Variants in STK24 observed in about 807,000 individuals in gnomAD.
STK24 encodes the protein serine/threonine-protein kinase 24.
In STK24, 21 loss-of-function variants were observed where a neutral mutation model predicts 55.6. The ratio of observed to expected loss-of-function variants is 0.38; its 90% CI spans 0.27 to 0.54. The LOEUF is 0.54. Ranked by LOEUF, STK24 falls within the 20% of genes least tolerant of loss-of-function variation. The pLI, the probability that STK24 is intolerant of heterozygous loss-of-function variation, is 0.79. For missense variants in STK24, 383 were observed against 538.4 expected (o/e 0.71, Z 2.86); for synonymous variants, 200 against 215.2 (o/e 0.93, Z 0.62).
At chr13:98,456,897 G>T (rs1320114915) in intron 10 of STK24, 7 of 539,174 alleles carry the variant, frequency 1.3e-5, no homozygotes, top group Admixed American at 1.0e-4. Context: ...GAGGAAACAG[G>T]TATTTCACCA....
intron 1 of STK24, among the ~76,000 whole-genome samples, chr13:98,565,399 G>A (rs1330186102): frequency 6.6e-6 from 1 of 152,076 alleles, no homozygotes; most frequent in Non-Finnish European, 1.5e-5. Flanking sequence ...AGGCGAAGGC[G>A]AGAGGATCAC....
At chr13:98,459,406 G>A (rs943600076) in intron 9 of STK24, among the ~76,000 whole-genome samples, 2 of 152,200 alleles carry the variant, frequency 1.3e-5, no homozygotes, top group African/African-American at 4.8e-5. Context: ...TGCTCCCACC[G>A]GGCCCTGAAC....
chr13:98,489,554 G>A (rs1273943777), intron 2 of STK24, among the ~76,000 whole-genome samples: 1 of 152,156 alleles, frequency 6.6e-6, no homozygotes, highest in Non-Finnish European at 1.5e-5. Context: ...CAGAAAAGTG[G>A]GCAAATAATT....
chr13:98,540,084 G>A lies in STK24; in HGVS notation c.43-20611C>T, dbSNP rs554218863. On this transcript the variant is annotated intron_variant, in intron 1 of 10. Coordinates refer to ENST00000539966, the MANE Select transcript of STK24 (RefSeq NM_001032296.4). ...AAGCTGCGTTGCGAGCCCCAAGAAC[G>A]TCATGCTAAGCAAAAGCAGCCAGTC... Among the ~76,000 whole-genome samples the A allele has an allele frequency of 3.3e-5, 5 of 152,162 alleles. No individual in the cohort carries two copies. The East Asian group carries it at 5.8e-4, about 18-fold the overall frequency.
chr13:98,468,845 C>G (rs1219476223), intron 5 of STK24, among the ~76,000 whole-genome samples: 1 of 152,186 alleles, frequency 6.6e-6, no homozygotes, highest in Non-Finnish European at 1.5e-5. Flanking sequence ...TGGGATATTC[C>G]AAATCTTCTC....
At chr13:98,489,771 TGA>T (rs1279267748) in intron 2 of STK24, among the ~76,000 whole-genome samples, 1 of 152,142 alleles carries the variant, frequency 6.6e-6, no homozygotes, top group Non-Finnish European at 1.5e-5. Flanking sequence ...CAGCTAGGAA[TGA>T]GAGGGACACC....
rs560849521 is a variant in STK24, at chr13:98,530,073, C to A, written c.43-10600G>T. 8.8e-5 allele frequency among the ~76,000 whole-genome samples: 13 copies of A among 147,630 alleles called. No individual in the cohort carries two copies. In the East Asian group the frequency reaches 1.6e-3, roughly 18 times the overall value. On this transcript the variant is annotated intron_variant, in intron 1 of 10. Coordinates refer to ENST00000539966, the MANE Select transcript of STK24 (RefSeq NM_001032296.4). ...AAAGAAAGAAGGCAAAAGGCACTGG[C>A]CCTGTATGTGGGTGCAAACACACAC...
intron 2 of STK24, among the ~76,000 whole-genome samples, chr13:98,487,452 T>C (rs1456961703): frequency 6.6e-6 from 1 of 152,198 alleles, no homozygotes; most frequent in African/African-American, 2.4e-5. Context: ...GGTGCCAAAG[T>C]ATATACAGTG....
intron 1 of STK24, among the ~76,000 whole-genome samples, chr13:98,573,697 G>A (rs72646409): frequency 0.022 from 3,401 of 152,284 alleles, 61 homozygotes; most frequent in East Asian, 0.093. Context: ...AACTAGCAAT[G>A]AGATAAACTT....
At chr13:98,509,694 T>C (rs1362958361) in intron 2 of STK24, among the ~76,000 whole-genome samples, 1 of 152,178 alleles carries the variant, frequency 6.6e-6, no homozygotes, top group Non-Finnish European at 1.5e-5. Flanking sequence ...AGATAAGAAC[T>C]TAGAGGCATC....
At chr13:98,475,743 T>C (rs1403418852) in intron 3 of STK24, among the ~76,000 whole-genome samples, 2 of 151,792 alleles carry the variant, frequency 1.3e-5, no homozygotes, top group Non-Finnish European at 2.9e-5. Flanking sequence ...AGGGTGCCCC[T>C]CTGGCCATGG....
chr13:98,480,039 T>C (rs927806260), intron 3 of STK24, among the ~76,000 whole-genome samples: 1 of 152,152 alleles, frequency 6.6e-6, no homozygotes, highest in African/African-American at 2.4e-5. Flanking sequence ...CGTGAGGGTC[T>C]CCATTCCTGC....
intron 9 of STK24, 113 bp from the exon 10 acceptor site, chr13:98,457,417 G>A: frequency 6.7e-7 from 1 of 1,491,668 alleles, no homozygotes. Flanking sequence ...CCCAGCCCCA[G>A]GGTGTCCGGG....
At chr13:98,543,078 G>T (rs960164801) in intron 1 of STK24, 1 of 960,034 alleles carries the variant, frequency 1.0e-6, no homozygotes, top group South Asian at 4.8e-5. Flanking sequence ...AGGGAGGGGG[G>T]AGAGGCCGCA....
chr13:98,485,815 G>A (rs1396424397), intron 2 of STK24, among the ~76,000 whole-genome samples: 4 of 152,356 alleles, frequency 2.6e-5, no homozygotes, highest in Non-Finnish European at 4.4e-5. Flanking sequence ...AGGTCGGCCC[G>A]GGGGACCGGA....
intron 2 of STK24, 50 bp from the exon 3 acceptor site, chr13:98,482,371 A>AT (rs753727342): frequency 6.1e-5 from 70 of 1,145,468 alleles, no homozygotes; most frequent in Non-Finnish European, 8.0e-5. Context: ...AATCCAGGAA[A>AT]ATTTTTTTTA....
chr13:98,464,074 A>G (rs1893833256), intron 6 of STK24, among the ~76,000 whole-genome samples: 1 of 152,004 alleles, frequency 6.6e-6, no homozygotes, highest in African/African-American at 2.4e-5. Flanking sequence ...TAATAAATAC[A>G]TTTTCACAGA....
At chr13:98,519,204 G>A (rs757916983) in intron 2 of STK24, 39 bp downstream of exon 2, 60 of 1,553,834 alleles carry the variant, frequency 3.9e-5, no homozygotes, top group Non-Finnish European at 4.8e-5. Flanking sequence ...CCTCAGCCAA[G>A]TGCTGCAGAA....
intron 9 of STK24, among the ~76,000 whole-genome samples, chr13:98,458,106 T>C (rs1217626656): frequency 6.6e-6 from 1 of 152,186 alleles, no homozygotes; most frequent in Non-Finnish European, 1.5e-5. Context: ...TTCATGTAAA[T>C]AAGTGGCAGC....
Sources: gnomAD v4.1 joint callset for allele counts (sites outside exome capture counted in the v4.1 genomes callset) on GRCh38, gnomAD v4.1.1 for gene constraint, MANE v1.5 for transcripts, NCBI Gene and HGNC (gene_info 2026-07-23, HGNC 2026-07-21) for gene names.